Variants in CD163 observed in about 807,000 individuals in gnomAD.
CD163 encodes the protein scavenger receptor cysteine-rich type 1 protein M130.
CD163 carries 64 observed loss-of-function variants against 129.2 expected under a neutral mutation model. That is an observed-to-expected ratio of 0.50 (90% CI 0.41 to 0.61). CD163 has a LOEUF of 0.61. CD163 is among the 20% of genes least tolerant of loss of function. CD163 has a pLI of 0.00. For synonymous variants in CD163, 446 were observed against 478.5 expected (o/e 0.93, Z 0.89); for missense variants, 1,061 against 1,377.9 (o/e 0.77, Z 3.64).
chr12:7,472,451 A>G (rs1949018388), intron 16 of CD163, among the ~76,000 whole-genome samples: 1 of 152,232 alleles, frequency 6.6e-6, no homozygotes, highest in South Asian at 2.1e-4. Context: ...GTGGACCTCC[A>G]TCAAACTGCA....
At chr12:7,473,696 G>T (rs1949040282) in intron 16 of CD163, among the ~76,000 whole-genome samples, 1 of 152,116 alleles carries the variant, frequency 6.6e-6, no homozygotes, top group Non-Finnish European at 1.5e-5. Context: ...TTAGCATCAT[G>T]ATGACAGGAT....
intron 3 of CD163, 135 bp downstream of exon 3, chr12:7,501,004 A>G (rs1949476729): frequency 4.2e-6 from 3 of 709,852 alleles, no homozygotes. Context: ...GTGGTTTTCT[A>G]GCAATGGATG....
At chr12:7,488,738 T>C (rs542207151) in intron 6 of CD163, among the ~76,000 whole-genome samples, 1 of 152,236 alleles carries the variant, frequency 6.6e-6, no homozygotes, top group Non-Finnish European at 1.5e-5. Context: ...ACTTTTTTCT[T>C]TAATTTTAGA....
At chr12:7,494,446 T>C (rs759038394) in intron 6 of CD163, among the ~76,000 whole-genome samples, 1 of 152,338 alleles carries the variant, frequency 6.6e-6, no homozygotes, top group East Asian at 1.9e-4. Context: ...CACGTACAAG[T>C]TTCCATTCTG....
chr12:7,501,079 C>A, intron 3 of CD163, 60 bp downstream of exon 3: 1 of 1,448,830 alleles, frequency 6.9e-7, no homozygotes, highest in South Asian at 1.2e-5. Context: ...TTTAACCCAT[C>A]TACATATTTT....
rs888650014 is a variant in CD163, at chr12:7,487,794, C to A, written c.1714G>T (p.Asp572Tyr). Reference sequence around the variant, plus strand: ...TTACTTGAGCAGACTACTCCAACATCCCTGCTGTGGCTACAAGTTCCTTCT... The same window carrying A: ...TTACTTGAGCAGACTACTCCAACATACCTGCTGTGGCTACAAGTTCCTTCT... ...RPEGTCSHSRDVGVVCSRYTE... is the reference protein window; with the variant it reads ...RPEGTCSHSRYVGVVCSRYTE... Residue 572 changes from aspartate to tyrosine, a missense_variant, in exon 7 of 17, where the codon GAT becomes TAT. Asp to Tyr is a radical substitution (Grantham distance 160, BLOSUM62 -3). Transcript: ENST00000432237. This position sits in a 1 kb window ranked among gnomAD's most constrained non-coding sequence, Gnocchi z 5.1. The A allele has an allele frequency of 6.2e-7, 1 of 1,614,082 alleles. No homozygotes were observed. The highest frequency in any genetic ancestry group is 1.7e-5 in the Admixed American group (1 of 60,028).
chr12:7,485,272 C>A lies in CD163; in HGVS notation c.2603G>T (p.Gly868Val). ...TTVGVVCRQL[G>V]CADKGKINPA... ...GTTGATTTTCCCTTTGTCTGCACAG[C>A]CCAGCTGCCTGCACACCACACCCAC... is the stretch of plus-strand genomic sequence containing the variant. Residue 868 changes from glycine to valine, a missense_variant, in exon 11 of 17, where the codon GGC becomes GTC. By Grantham distance (109) the Gly-to-Val change is moderately radical. Transcript: ENST00000432237. The surrounding 1 kb of genome is among the most constrained non-coding windows in gnomAD (Gnocchi z 4.5). 6.2e-7 allele frequency: 1 copy of A among 1,614,216 alleles called. No individual in the cohort carries two copies. The highest frequency in any genetic ancestry group is 8.5e-7 in the Non-Finnish European group (1 of 1,180,026).
rs1342484655 is a variant in CD163, at chr12:7,496,589, AG to A, written c.1099+223del. On this transcript the variant is annotated intron_variant, in intron 5 of 16. Coordinates refer to ENST00000432237, the MANE Select transcript of CD163 (RefSeq NM_203416.4). The surrounding 1 kb of genome is among the most constrained non-coding windows in gnomAD (Gnocchi z 4.8). ...CTGAGTTTGAAGTGTGCTCCATAAA[AG>A]CAGTCTGAGTAATTATTACAGAGAA... Among the ~76,000 whole-genome samples the A allele has an allele frequency of 6.6e-6, 1 of 152,212 alleles. No individual in the cohort carries two copies. Among genetic ancestry groups the A allele is most frequent in the Non-Finnish European group, 1.5e-5 (1 of 68,034 alleles).
At chr12:7,493,408 G>A (rs771786287) in intron 6 of CD163, among the ~76,000 whole-genome samples, 13 of 152,188 alleles carry the variant, frequency 8.5e-5, no homozygotes, top group Middle Eastern at 3.4e-3. Flanking sequence ...CTTCCTGTCC[G>A]GTAGGATTTG....
intron 16 of CD163, among the ~76,000 whole-genome samples, chr12:7,472,214 G>A (rs1315713001): frequency 2.0e-5 from 3 of 152,194 alleles, no homozygotes; most frequent in African/African-American, 7.2e-5. Flanking sequence ...CACAGCGCTC[G>A]AGCTCTGCTA....
intron 16 of CD163, among the ~76,000 whole-genome samples, chr12:7,474,388 A>G (rs1359546674): frequency 4.6e-5 from 7 of 152,222 alleles, no homozygotes; most frequent in Non-Finnish European, 8.8e-5. Flanking sequence ...CTCAAACCAC[A>G]GTGCAATCAA....
At position 7,483,667 on chromosome 12, in the gene CD163, T is replaced by G; in HGVS notation, c.2788A>C (p.Arg930=). The G allele has an allele frequency of 6.2e-7, 1 of 1,604,422 alleles. No individual in the cohort carries two copies. The highest frequency in any genetic ancestry group is 8.5e-7 in the Non-Finnish European group (1 of 1,173,818). Residue 930 remains arginine, a synonymous_variant, in exon 12 of 17, where the codon AGA becomes CGA. Coordinates refer to ENST00000432237, the MANE Select transcript of CD163 (RefSeq NM_203416.4). ...ETWITCDNKI[R]LQEGPTSCSG... is the part of the protein sequence containing the mutation. ...CAGGAAGTGGGTCCTTCCTGAAGTC[T>G]TATCTTGTCTGAAAAATCAGAGACA...
In CD163 at chr12:7,487,568, A is replaced by C. The variant is rs1234416473; in HGVS notation, c.1841T>G (p.Ile614Arg). Residue 614 changes from isoleucine (I) to arginine (R), a missense_variant, in exon 8 of 17, where the codon ATA becomes AGA. By Grantham distance (97) the Ile-to-Arg change is moderately conservative. Coordinates refer to ENST00000432237, the MANE Select transcript of CD163 (RefSeq NM_203416.4). The surrounding 1 kb of genome is among the most constrained non-coding windows in gnomAD (Gnocchi z 5.1). Reference sequence around the variant, plus strand: ...CTGGCAAAGAACATGGGCATCTTCTATGTCCCAGTGAGAGTTACAGAGGGA... The same window carrying C: ...CTGGCAAAGAACATGGGCATCTTCTCTGTCCCAGTGAGAGTTACAGAGGGA... ...WGSLCNSHWDIEDAHVLCQQL... is the reference protein window; with the variant it reads ...WGSLCNSHWDREDAHVLCQQL... The C allele has an allele frequency of 1.2e-6, 2 of 1,614,018 alleles. No individual in the cohort carries two copies. The highest frequency in any genetic ancestry group is 4.5e-5 in the East Asian group (2 of 44,886).
Position 7,488,075 on chromosome 12 carries a change from G to T in CD163, c.1433C>A (p.Pro478His). The change falls in exon 7 of 17, where the codon CCC becomes CAC. Residue 478 changes from proline to histidine, a missense_variant. Physicochemically the swap from Pro to His is moderately conservative, Grantham distance 77. Coordinates refer to ENST00000432237, the MANE Select transcript of CD163 (RefSeq NM_203416.4). ...GGGAATGTCCCCTCCAACCAGTCTG[G>T]GTTCCCTGTGGGCTGAAAAATAAAT... ...AKITCSAHRE[P>H]RLVGGDIPCS... is the part of the protein sequence containing the mutation. 4 of 1,610,282 alleles carry T rather than the reference G, an allele frequency of 2.5e-6. No individual in the cohort carries two copies. The highest frequency in any genetic ancestry group is 2.5e-6 in the Non-Finnish European group (3 of 1,178,514).
chr12:7,498,754 G>A (rs1047113646), intron 4 of CD163, 114 bp downstream of exon 4: 34 of 1,008,560 alleles, frequency 3.4e-5, no homozygotes, highest in South Asian at 1.2e-4. Flanking sequence ...GTTAAAATGC[G>A]GTGACAAAAG....
At position 7,485,092 on chromosome 12, in the gene CD163, T is replaced by C; in HGVS notation, c.2779+4A>G. The C allele has an allele frequency of 2.5e-6, 4 of 1,589,700 alleles. No homozygotes were observed. The highest frequency in any genetic ancestry group is 2.3e-5 in the South Asian group (2 of 88,088). ...AATTTTCATATAGGTCGATGGATAC[T>C]CACTGTCACATGTGATCCAGGTCTC... On this transcript the variant is annotated splice_donor_region_variant and intron_variant, in intron 11 of 16. Transcript: ENST00000432237. The surrounding 1 kb of genome is among the most constrained non-coding windows in gnomAD (Gnocchi z 4.5).
chr12:7,487,492 TC>T lies in CD163; in HGVS notation c.1916del (p.Gly639GlufsTer26), dbSNP rs1949268371. The T allele has an allele frequency of 6.2e-7, 1 of 1,613,968 alleles. No homozygotes were observed. The highest frequency in any genetic ancestry group is 1.3e-5 in the African/African-American group (1 of 74,884). ...ALSTPGGARFGKGNGQIWRHM... is the reference protein window; with the variant it reads ...ALSTPGGARFXKGNGQIWRHM... ...GCCTCCAGATCTGACCATTTCCTTT[TC>T]CAAAACGTGCTCCTCCTGGGGTAGA... On this transcript the variant is annotated frameshift_variant, in exon 8 of 17. Coordinates refer to ENST00000432237, the MANE Select transcript of CD163 (RefSeq NM_203416.4). LOFTEE classifies it high-confidence loss of function. This position sits in a 1 kb window ranked among gnomAD's most constrained non-coding sequence, Gnocchi z 5.1.
chr12:7,494,934 T>A, intron 6 of CD163, 147 bp downstream of exon 6: 1 of 681,874 alleles, frequency 1.5e-6, no homozygotes, highest in South Asian at 1.9e-5. Context: ...ATTGTAAACT[T>A]ATCTGACTCT....
At chr12:7,491,593 T>C (rs1949327877) in intron 6 of CD163, among the ~76,000 whole-genome samples, 1 of 152,136 alleles carries the variant, frequency 6.6e-6, no homozygotes, top group Non-Finnish European at 1.5e-5. Context: ...CAAAGAGCTT[T>C]AACATAATTA....
Sources: allele counts gnomAD v4.1 joint callset (sites outside exome capture counted in the v4.1 genomes callset), GRCh38; gene constraint gnomAD v4.1.1; non-coding constraint Gnocchi (gnomAD v3.1); transcripts MANE v1.5; gene names NCBI Gene and HGNC (gene_info 2026-07-23, HGNC 2026-07-21).